Variants in SEL1L2 observed in about 807,000 individuals in gnomAD.
SEL1L2 encodes the protein protein sel-1 homolog 2.
A neutral mutation model predicts 98.8 loss-of-function variants in SEL1L2; 89 were observed. That is an observed-to-expected ratio of 0.90 (90% CI 0.76 to 1.07). The LOEUF (loss-of-function observed/expected upper bound fraction) is 1.07, where lower values mean the gene tolerates loss of function less well. Among genes scored for constraint, SEL1L2 ranks in the 50% least tolerant of loss-of-function variants. SEL1L2 has a pLI of 0.00. For missense variants in SEL1L2, 788 were observed against 812.0 expected, an observed-to-expected ratio of 0.97 and a Z score of 0.36; for synonymous variants, 262 against 278.5, an observed-to-expected ratio of 0.94 and a Z score of 0.59.
At chr20:13,947,004 GC>G (rs753815607) in intron 2 of SEL1L2, among the ~76,000 whole-genome samples, 7 of 152,122 alleles carry the variant, frequency 4.6e-5, no homozygotes, top group Non-Finnish European at 8.8e-5. Flanking sequence ...CACATGAACA[GC>G]CTGGGGACCA....
At chr20:13,979,329 C>A (rs2051697244) in intron 1 of SEL1L2, among the ~76,000 whole-genome samples, 1 of 152,082 alleles carries the variant, frequency 6.6e-6, no homozygotes, top group Non-Finnish European at 1.5e-5. Context: ...GAAATAAATT[C>A]TAGTGTTCTA....
intron 5 of SEL1L2, among the ~76,000 whole-genome samples, chr20:13,893,062 C>A (rs1238144235): frequency 6.6e-6 from 1 of 152,098 alleles, no homozygotes; most frequent in African/African-American, 2.4e-5. Flanking sequence ...CCCAACAGAC[C>A]ACCTGGTGCC....
intron 2 of SEL1L2, among the ~76,000 whole-genome samples, chr20:13,935,888 A>AG (rs2049428601): frequency 6.6e-6 from 1 of 152,156 alleles, no homozygotes; most frequent in Non-Finnish European, 1.5e-5. Flanking sequence ...AAGATGGTAG[A>AG]GGGGGAAATG....
intron 2 of SEL1L2, among the ~76,000 whole-genome samples, chr20:13,935,843 G>T (rs1218070260): frequency 6.6e-6 from 1 of 152,116 alleles, no homozygotes; most frequent in Admixed American, 6.6e-5. Flanking sequence ...AACTGAAATA[G>T]GCCACTTGAG....
intron 18 of SEL1L2, among the ~76,000 whole-genome samples, chr20:13,858,438 A>G (rs1398786510): frequency 6.6e-6 from 1 of 152,088 alleles, no homozygotes; most frequent in Non-Finnish European, 1.5e-5. Context: ...GAGCTCCGCA[A>G]GCTGGTTGGC....
chr20:13,978,875 A>G (rs1325521847), intron 1 of SEL1L2, among the ~76,000 whole-genome samples: 2 of 152,134 alleles, frequency 1.3e-5, no homozygotes, highest in Non-Finnish European at 2.9e-5. Flanking sequence ...CCTGCCCAAC[A>G]TGGCAAAACC....
intron 3 of SEL1L2, among the ~76,000 whole-genome samples, chr20:13,929,472 T>C (rs1185731633): frequency 6.8e-6 from 1 of 146,146 alleles, no homozygotes; most frequent in African/African-American, 2.5e-5. Flanking sequence ...TTGGATATCC[T>C]CTAATTGCCT....
intron 2 of SEL1L2, among the ~76,000 whole-genome samples, chr20:13,944,603 A>T (rs1321769459): frequency 6.6e-6 from 1 of 152,186 alleles, no homozygotes; most frequent in African/African-American, 2.4e-5. Context: ...CAACATGTCA[A>T]GTCTCAGATC....
At chr20:13,988,698 C>T (rs2052377808) in intron 1 of SEL1L2, among the ~76,000 whole-genome samples, 1 of 152,088 alleles carries the variant, frequency 6.6e-6, no homozygotes, top group African/African-American at 2.4e-5. Flanking sequence ...GAAAAGAAGT[C>T]AGCTGGGATT....
At chr20:13,853,389 T>A (rs2147712030) in intron 18 of SEL1L2, among the ~76,000 whole-genome samples, 1 of 152,084 alleles carries the variant, frequency 6.6e-6, no homozygotes, top group South Asian at 2.1e-4. Context: ...TGTATTTTTT[T>A]TTTTTGTAGA....
chr20:13,867,734 C>A (rs564457959), intron 14 of SEL1L2, among the ~76,000 whole-genome samples: 1 of 152,088 alleles, frequency 6.6e-6, no homozygotes, highest in Non-Finnish European at 1.5e-5. Flanking sequence ...TTAAAACATA[C>A]GAAGACTTAA....
chr20:13,947,289 T>C (rs768969002), intron 2 of SEL1L2, among the ~76,000 whole-genome samples: 3 of 152,052 alleles, frequency 2.0e-5, no homozygotes, highest in Non-Finnish European at 4.4e-5. Context: ...CAAGAAGACC[T>C]GCCTGCAGGT....
chr20:13,889,574 G>A (rs1853680631), intron 5 of SEL1L2, among the ~76,000 whole-genome samples: 2 of 151,958 alleles, frequency 1.3e-5, no homozygotes, highest in Admixed American at 1.3e-4. Context: ...GGTGGATCAC[G>A]AGGTCAGGAG....
At chr20:13,950,892 G>T (rs145691649) in intron 2 of SEL1L2, among the ~76,000 whole-genome samples, 128 of 152,272 alleles carry the variant, frequency 8.4e-4, no homozygotes, top group Non-Finnish European at 1.4e-3. Flanking sequence ...AGGGGAAGAA[G>T]TCATCAGGAG....
intron 3 of SEL1L2, among the ~76,000 whole-genome samples, chr20:13,924,818 T>C (rs934371154): frequency 6.6e-6 from 1 of 152,094 alleles, no homozygotes; most frequent in Non-Finnish European, 1.5e-5. Flanking sequence ...TTCTGTAGAC[T>C]TTTGCAGGTT....
intron 5 of SEL1L2, among the ~76,000 whole-genome samples, chr20:13,909,106 G>T (rs748321972): frequency 4.0e-5 from 6 of 148,464 alleles, no homozygotes; most frequent in Non-Finnish European, 7.4e-5. Flanking sequence ...TCTCAGTCTC[G>T]CTCTCTCTCT....
chr20:13,956,147 T>TG lies in SEL1L2; in HGVS notation c.59-17_59-16insC, dbSNP rs1488342394. 1.4e-6 allele frequency: 2 copies of TG among 1,389,544 alleles called. No homozygotes were observed. Among genetic ancestry groups the TG allele is most frequent in the South Asian group, 2.7e-5 (2 of 73,968 alleles). The allele number at this position is 1,389,544 out of a possible 1,614,324, so 86.1% of individuals were successfully genotyped here. A position where few individuals can be genotyped will look rare whatever the true frequency, so the allele number is the denominator to read the frequency against. On this transcript the variant is annotated splice_polypyrimidine_tract_variant and intron_variant, in intron 1 of 19. Transcript: ENST00000284951. ...GCTTTGATAGCTGCAATACACAAAA[T>TG]TTTTTTATAAAATTTAAAAGCATTT...
chr20:13,959,784 C>A (rs564670197), intron 1 of SEL1L2, among the ~76,000 whole-genome samples: 2 of 152,242 alleles, frequency 1.3e-5, no homozygotes, highest in East Asian at 3.9e-4. Context: ...GTGTTGATTG[C>A]AATGGTTCTT....
chr20:13,893,177 GT>G (rs1342761349), intron 5 of SEL1L2, among the ~76,000 whole-genome samples: 2 of 152,224 alleles, frequency 1.3e-5, no homozygotes, highest in East Asian at 1.9e-4. Context: ...CCTGCCCTGT[GT>G]TTTTGGCCTT....
Sources: allele counts gnomAD v4.1 joint callset (sites outside exome capture counted in the v4.1 genomes callset), GRCh38; gene constraint gnomAD v4.1.1; transcripts MANE v1.5; gene names NCBI Gene and HGNC (gene_info 2026-07-23, HGNC 2026-07-21).